VIT: variants seen among roughly 807,000 people sequenced by gnomAD.
The protein encoded by VIT is vitrin.
VIT carries 99 observed loss-of-function variants against 78.0 expected under a neutral mutation model. That is an observed-to-expected ratio of 1.27 (90% CI 1.08 to 1.50). The LOEUF (loss-of-function observed/expected upper bound fraction) is 1.50. Ranked by LOEUF, VIT falls within the 40% of genes most tolerant of loss-of-function variation. VIT has a pLI of 0.00. For synonymous variants in VIT, 374 were observed against 334.3 expected (o/e 1.12, Z -1.29); for missense variants, 1,126 against 875.3 (o/e 1.29, Z -3.61).
chr2:36,795,897 G>A (rs1268698242), intron 12 of VIT, among the ~76,000 whole-genome samples: 3 of 152,170 alleles, frequency 2.0e-5, no homozygotes, highest in Admixed American at 6.5e-5. Context: ...AAACAAGTGT[G>A]TTCAATTAGC....
intron 6 of VIT, 135 bp from the exon 7 acceptor site, chr2:36,766,959 G>C: frequency 2.0e-6 from 2 of 1,007,966 alleles, no homozygotes; most frequent in Non-Finnish European, 2.6e-6. Flanking sequence ...GCTGTTACCT[G>C]GGTTTCACCC....
intron 12 of VIT, among the ~76,000 whole-genome samples, chr2:36,794,371 T>C (rs1388181717): frequency 6.6e-6 from 1 of 152,192 alleles, no homozygotes; most frequent in Non-Finnish European, 1.5e-5. Flanking sequence ...GAACCTGTAA[T>C]AAAATTACAA....
In VIT at chr2:36,767,236, C is replaced by T. The variant is rs149089705; in HGVS notation, c.630C>T (p.Thr210=). The change falls in exon 7 of 16, where the codon ACC becomes ACT. Residue 210 remains threonine (T), a synonymous_variant. Transcript: ENST00000379242. Reference sequence around the variant, plus strand: ...GGCCATCCCCTTCTGCTGCTTCTACCACCAGCATCCCCAGACCACAATCAG... The same window carrying T: ...GGCCATCCCCTTCTGCTGCTTCTACTACCAGCATCCCCAGACCACAATCAG... ...LPRPSPSAAS[T]TSIPRPQSVG... 99 of 1,600,668 alleles carry T rather than the reference C, an allele frequency of 6.2e-5. No individual in the cohort carries two copies. Among genetic ancestry groups the T allele is most frequent in the Non-Finnish European group, 7.9e-5 (93 of 1,174,090 alleles).
chr2:36,701,938 A>C (rs1442636346), intron 1 of VIT, among the ~76,000 whole-genome samples: 1 of 152,246 alleles, frequency 6.6e-6, no homozygotes, highest in Non-Finnish European at 1.5e-5. Context: ...TGGGAAGAAG[A>C]GTGAACAAAA....
intron 1 of VIT, among the ~76,000 whole-genome samples, chr2:36,712,463 T>C (rs1324967567): frequency 6.6e-6 from 1 of 152,232 alleles, no homozygotes; most frequent in African/African-American, 2.4e-5. Context: ...TTTGGGTTTG[T>C]TTGTTGATTA....
chr2:36,710,023 G>C (rs1366344661), intron 1 of VIT, among the ~76,000 whole-genome samples: 3 of 152,156 alleles, frequency 2.0e-5, no homozygotes, highest in Non-Finnish European at 4.4e-5. Context: ...TTAGGAGACT[G>C]CTGCAGCTTC....
At chr2:36,708,552 T>G (rs2148427715) in intron 1 of VIT, among the ~76,000 whole-genome samples, 1 of 152,208 alleles carries the variant, frequency 6.6e-6, no homozygotes, top group South Asian at 2.1e-4. Flanking sequence ...GCCTAAAGGA[T>G]CAGTTCCACA....
At chr2:36,791,996 G>A (rs1372291905) in intron 12 of VIT, among the ~76,000 whole-genome samples, 2 of 152,186 alleles carry the variant, frequency 1.3e-5, no homozygotes, top group African/African-American at 4.8e-5. Flanking sequence ...GGGGCTGGCA[G>A]AGGTGAATTA....
intron 11 of VIT, among the ~76,000 whole-genome samples, chr2:36,783,929 G>A (rs143329497): frequency 6.6e-6 from 1 of 152,202 alleles, no homozygotes; most frequent in Non-Finnish European, 1.5e-5. Context: ...CGAGACATTT[G>A]ATCTGGTAGA....
intron 1 of VIT, among the ~76,000 whole-genome samples, chr2:36,710,839 C>A (rs1262486212): frequency 6.6e-6 from 1 of 152,100 alleles, no homozygotes; most frequent in Non-Finnish European, 1.5e-5. Context: ...CAGTTTGGAG[C>A]TATGGGAAAC....
intron 1 of VIT, among the ~76,000 whole-genome samples, chr2:36,707,224 C>G (rs1665485826): frequency 6.6e-6 from 1 of 152,178 alleles, no homozygotes; most frequent in South Asian, 2.1e-4. Flanking sequence ...GGGGCAGGCC[C>G]AGCCCCCAGG....
At chr2:36,704,752 GC>G (rs1665304999) in intron 1 of VIT, among the ~76,000 whole-genome samples, 1 of 152,112 alleles carries the variant, frequency 6.6e-6, no homozygotes, top group Non-Finnish European at 1.5e-5. Context: ...CTGAGAGGGA[GC>G]CCCATGTCTG....
chr2:36,770,331 G>T (rs953425062), intron 7 of VIT, among the ~76,000 whole-genome samples: 1 of 152,164 alleles, frequency 6.6e-6, no homozygotes, highest in African/African-American at 2.4e-5. Flanking sequence ...CTCCACAATG[G>T]GATCAAGATC....
intron 15 of VIT, among the ~76,000 whole-genome samples, chr2:36,813,710 T>A (rs1667359063): frequency 6.6e-6 from 1 of 152,168 alleles, no homozygotes; most frequent in Non-Finnish European, 1.5e-5. Flanking sequence ...TAAAAGATCT[T>A]GAACCAGCTT....
chr2:36,795,244 T>C (rs998466126), intron 12 of VIT, among the ~76,000 whole-genome samples: 1 of 152,088 alleles, frequency 6.6e-6, no homozygotes, highest in African/African-American at 2.4e-5. Context: ...CCAGGAACTT[T>C]TGCAGTCATT....
chr2:36,802,835 C>T (rs1266998062), intron 13 of VIT, among the ~76,000 whole-genome samples: 17 of 152,300 alleles, frequency 1.1e-4, no homozygotes, highest in African/African-American at 3.6e-4. Flanking sequence ...CTGATTCCAA[C>T]AGAAAGGGTT....
At chr2:36,788,731 TAGTC>T (rs1309789578) in intron 12 of VIT, among the ~76,000 whole-genome samples, 2 of 152,208 alleles carry the variant, frequency 1.3e-5, no homozygotes, top group Non-Finnish European at 2.9e-5. Flanking sequence ...CAAATGTCCT[TAGTC>T]AGTTTTACTG....
intron 9 of VIT, among the ~76,000 whole-genome samples, chr2:36,780,171 C>G (rs1449968051): frequency 3.3e-5 from 5 of 152,204 alleles, no homozygotes; most frequent in African/African-American, 4.8e-5. Context: ...TTGTCCCAAA[C>G]AAACCGAAAG....
At chr2:36,762,299 G>A (rs1407567840) in intron 6 of VIT, among the ~76,000 whole-genome samples, 6 of 152,034 alleles carry the variant, frequency 3.9e-5, no homozygotes, top group African/African-American at 1.2e-4. Flanking sequence ...TTACCAAACC[G>A]TTTAAACTTT....
Sources: gnomAD v4.1 joint callset for allele counts (sites outside exome capture counted in the v4.1 genomes callset) on GRCh38, gnomAD v4.1.1 for gene constraint, MANE v1.5 for transcripts, NCBI Gene and HGNC (gene_info 2026-07-23, HGNC 2026-07-21) for gene names.